Variants in CRYBG3 observed in about 807,000 individuals in gnomAD.
CRYBG3 encodes very large A-kinase anchor protein.
Under a neutral mutation model 244.2 loss-of-function variants are expected in CRYBG3, and 127 were observed. The observed-to-expected ratio is 0.52, with a 90% CI of 0.45 to 0.60. The LOEUF is 0.60. Ranked by LOEUF, CRYBG3 falls within the 20% of genes least tolerant of loss-of-function variation. The pLI is 0.00. For missense variants in CRYBG3, 3,325 were observed against 3,442.5 expected (o/e 0.97, Z 0.85); for synonymous variants, 1,132 against 1,195.8 (o/e 0.95, Z 1.10).
chr3:97,899,206 C>G lies in CRYBG3; in HGVS notation c.7914C>G (p.Cys2638Trp). Residue 2638 changes from cysteine (C) to tryptophan (W), a missense_variant, in exon 14 of 22, where the codon TGC becomes TGG. By Grantham distance (215) the Cys-to-Trp change is radical. Around this residue, in one of 4 missense-constraint regions of CRYBG3, gnomAD observed 714 missense variants for 803.6 expected, o/e 0.89. Coordinates refer to ENST00000389622, the MANE Select transcript of CRYBG3 (RefSeq NM_153605.4). ...QYILEKGKYK[C>W]FFDWGGSNNI... ...TTTTAGAAAAAGGGAAATACAAATG[C>G]TTTTTTGACTGGGGAGGATCAAATA... 6.2e-7 allele frequency: 1 copy of G among 1,613,598 alleles called. No homozygotes were observed. Among genetic ancestry groups the G allele is most frequent in the South Asian group, 1.1e-5 (1 of 91,042 alleles).
chr3:97,858,489 C>T (rs893068918), intron 2 of CRYBG3, among the ~76,000 whole-genome samples: 2 of 151,944 alleles, frequency 1.3e-5, no homozygotes, highest in Non-Finnish European at 2.9e-5. Context: ...TGTGCCTTTT[C>T]CCATCTCTTT....
chr3:97,840,368 T>C (rs968079931), intron 1 of CRYBG3, among the ~76,000 whole-genome samples: 23 of 152,144 alleles, frequency 1.5e-4, no homozygotes, highest in Admixed American at 9.8e-4. Flanking sequence ...CTCAACACAT[T>C]TTAAAATTTT....
chr3:97,893,671 C>T (rs1253730314), intron 11 of CRYBG3, among the ~76,000 whole-genome samples: 2 of 152,154 alleles, frequency 1.3e-5, no homozygotes, highest in Admixed American at 6.6e-5. Context: ...TGCTGGAATC[C>T]CTCTAGAAAC....
intron 15 of CRYBG3, among the ~76,000 whole-genome samples, chr3:97,909,177 A>C (rs1398564530): frequency 6.6e-6 from 1 of 150,556 alleles, no homozygotes; most frequent in Non-Finnish European, 1.5e-5. Flanking sequence ...GGCTGCCCTT[A>C]ACATTTTTTC....
intron 1 of CRYBG3, 148 bp from the exon 2 acceptor site, chr3:97,843,047 C>T (rs1486417140): frequency 1.9e-6 from 1 of 521,482 alleles, no homozygotes; most frequent in African/African-American, 1.9e-5. Context: ...TTTAGAGATT[C>T]AAATCAATAT....
chr3:97,941,345 CTG>C lies in CRYBG3; in HGVS notation c.8664+41_8664+42del, dbSNP rs781665576. 2.1e-6 allele frequency: 3 copies of C among 1,463,372 alleles called. No homozygotes were observed. The Admixed American group carries it at 6.5e-5, about 32-fold the overall frequency. The allele number at this position is 1,463,372 out of a possible 1,614,324, so 90.6% of individuals were successfully genotyped here. On this transcript the variant is annotated intron_variant, in intron 20 of 21. Transcript: ENST00000389622. ...CTGATACAGTATGCCACTTTCTGGT[CTG>C]TTTTTTATTTTGAAAACTAGAATCC...
chr3:97,879,991 A>G lies in CRYBG3; in HGVS notation c.6895A>G (p.Ile2299Val), dbSNP rs567270655. 2 of 1,494,344 alleles carry G rather than the reference A, an allele frequency of 1.3e-6. No individual in the cohort carries two copies. The highest frequency in any genetic ancestry group is 4.5e-5 in the East Asian group (2 of 44,102). The allele number at this position is 1,494,344 out of a possible 1,614,324, so 92.6% of individuals were successfully genotyped here. ...GCTATTTACTGTGTTGCAGATGGTT[A>G]TCTATGATCTCCATGAAAGTACATA... ...RCNPRPGKMV[I>V]YDLHESTYKQ... The change falls in exon 6 of 22, where the codon ATC (isoleucine) becomes GTC (valine). Residue 2299 changes from isoleucine (I) to valine (V), a missense_variant. Physicochemically the swap from Ile to Val is conservative, Grantham distance 29. Coordinates refer to ENST00000389622, the MANE Select transcript of CRYBG3 (RefSeq NM_153605.4).
intron 10 of CRYBG3, 145 bp downstream of exon 10, chr3:97,889,535 C>A: frequency 1.5e-6 from 1 of 683,710 alleles, no homozygotes. Context: ...GAAGTGAATG[C>A]ACAAAATGTT....
chr3:97,899,413 C>A, intron 14 of CRYBG3, 150 bp downstream of exon 14: 1 of 749,858 alleles, frequency 1.3e-6, no homozygotes, highest in South Asian at 2.0e-5. Context: ...TCTATAGACT[C>A]CATAGACAGT....
chr3:97,843,381 T>A (rs1576515407), intron 2 of CRYBG3, 120 bp downstream of exon 2: 1 of 650,736 alleles, frequency 1.5e-6, no homozygotes, highest in East Asian at 2.8e-5. Context: ...TTACTTTTTG[T>A]GGAAATCCAG....
intron 10 of CRYBG3, among the ~76,000 whole-genome samples, chr3:97,891,489 A>G (rs1450376086): frequency 6.6e-6 from 1 of 152,174 alleles, no homozygotes; most frequent in Non-Finnish European, 1.5e-5. Flanking sequence ...CATGGAAAAA[A>G]TGGAATTAAA....
At position 97,876,026 on chromosome 3, in the gene CRYBG3, G is replaced by A; in HGVS notation, c.4832G>A (p.Gly1611Glu). The A allele has an allele frequency of 8.1e-7, 1 of 1,232,014 alleles. No homozygotes were observed. Among genetic ancestry groups the A allele is most frequent in the Non-Finnish European group, 1.0e-6 (1 of 987,920 alleles). 76.3% of individuals were successfully genotyped at this position (1,232,014 alleles called of 1,614,324 possible). ...DAESCIEKTE[G>E]SAVILGMEKA... The stretch of plus-strand genomic sequence containing the variant: ...GAGAGCTGTATTGAAAAAACTGAGG[G>A]ATCAGCTGTCATTTTAGGAATGGAA... The change falls in exon 4 of 22, where the codon GGA (glycine) becomes GAA (glutamate). Residue 1611 changes from glycine (G) to glutamate (E), a missense_variant. This residue lies in a region of CRYBG3 where 635 missense variants were observed against 771.7 expected (regional missense o/e 0.82). Transcript: ENST00000389622.
chr3:97,935,998 C>T (rs529613929), intron 18 of CRYBG3, among the ~76,000 whole-genome samples: 12 of 152,198 alleles, frequency 7.9e-5, no homozygotes, highest in Middle Eastern at 3.4e-3. Context: ...GACTCCAGCA[C>T]ATTCTCTTTA....
In CRYBG3 at chr3:97,873,379, A is replaced by G. The variant is rs927244476; in HGVS notation, c.2185A>G (p.Ile729Val). The change falls in exon 4 of 22, where the codon ATT becomes GTT. Residue 729 changes from isoleucine (I) to valine (V), a missense_variant. Ile to Val is a conservative substitution (Grantham distance 29). Around this residue, in one of 4 missense-constraint regions of CRYBG3, gnomAD observed 1,526 missense variants for 1,443.2 expected, o/e 1.06. Coordinates refer to ENST00000389622, the MANE Select transcript of CRYBG3 (RefSeq NM_153605.4). ...CTTTTGCCTTGAATATACATCTGCAATTTTTGAATTCAAAGAAGTTCTTTC... is the reference window on the plus strand; with the variant it reads ...CTTTTGCCTTGAATATACATCTGCAGTTTTTGAATTCAAAGAAGTTCTTTC... ...PSFCLEYTSAIFEFKEVLSNS... is the reference protein window; with the variant it reads ...PSFCLEYTSAVFEFKEVLSNS... The G allele has an allele frequency of 9.1e-6, 14 of 1,535,688 alleles. No homozygotes were observed. The highest frequency in any genetic ancestry group is 2.0e-5 in the Admixed American group (1 of 50,932).
At chr3:97,930,259 T>C (rs1426774024) in intron 17 of CRYBG3, among the ~76,000 whole-genome samples, 1 of 152,062 alleles carries the variant, frequency 6.6e-6, no homozygotes, top group Non-Finnish European at 1.5e-5. Flanking sequence ...TGCCATCTGT[T>C]CTTCCTCACT....
intron 18 of CRYBG3, among the ~76,000 whole-genome samples, chr3:97,934,722 G>T (rs1215382085): frequency 1.3e-5 from 2 of 151,922 alleles, no homozygotes; most frequent in African/African-American, 4.8e-5. Context: ...GTTTTCTTCT[G>T]CAAAACATTT....
chr3:97,941,019 G>T, intron 19 of CRYBG3, 129 bp from the exon 20 acceptor site: 1 of 669,954 alleles, frequency 1.5e-6, no homozygotes, highest in East Asian at 2.7e-5. Context: ...ATTTACTAAA[G>T]GGAATAAGAG....
intron 2 of CRYBG3, among the ~76,000 whole-genome samples, chr3:97,843,966 A>G (rs1234143939): frequency 4.6e-5 from 7 of 152,258 alleles, no homozygotes; most frequent in Non-Finnish European, 8.8e-5. Context: ...ATGATTTGTG[A>G]CAGTCAAGGA....
chr3:97,826,004 A>G (rs879451385), intron 1 of CRYBG3, among the ~76,000 whole-genome samples: 14 of 152,244 alleles, frequency 9.2e-5, no homozygotes, highest in African/African-American at 3.1e-4. Context: ...TTAGTTGGAT[A>G]GGAGATACCT....
Sources: gnomAD v4.1 joint callset for allele counts (sites outside exome capture counted in the v4.1 genomes callset) on GRCh38, gnomAD v4.1.1 for gene constraint, gnomAD v4.1.1 regional missense constraint, MANE v1.5 for transcripts, NCBI Gene and HGNC (gene_info 2026-07-23, HGNC 2026-07-21) for gene names.